The following FAM171A1 variants were observed in gnomAD, a reference collection of about 807,000 sequenced individuals.
The protein encoded by FAM171A1 is protein FAM171A1.
In FAM171A1, 23 loss-of-function variants were observed where a neutral mutation model predicts 74.9. The ratio of observed to expected loss-of-function variants is 0.31; its 90% CI spans 0.22 to 0.44. FAM171A1 has a LOEUF of 0.44. FAM171A1 is among the 20% of genes least tolerant of loss of function. The pLI is 1.00. For synonymous variants in FAM171A1, 527 were observed against 505.7 expected (o/e 1.04, Z -0.57); for missense variants, 1,162 against 1,159.2 (o/e 1.00, Z -0.03).
intron 5 of FAM171A1, among the ~76,000 whole-genome samples, chr10:15,244,852 A>C (rs187535371): frequency 2.0e-5 from 3 of 152,288 alleles, no homozygotes; most frequent in African/African-American, 7.2e-5. Flanking sequence ...CAATGTGCTC[A>C]GGATGAGGCC....
chr10:15,342,258 G>C (rs952879062), intron 1 of FAM171A1, among the ~76,000 whole-genome samples: 8 of 152,186 alleles, frequency 5.3e-5, no homozygotes, highest in Non-Finnish European at 7.3e-5. Context: ...AGTGCTACCA[G>C]TTGTTGTGTA....
intron 1 of FAM171A1, among the ~76,000 whole-genome samples, chr10:15,342,576 G>A (rs1044214079): frequency 6.6e-6 from 1 of 152,050 alleles, no homozygotes; most frequent in African/African-American, 2.4e-5. Context: ...TCAAACAGAG[G>A]CTCTGTCTCA....
At chr10:15,362,385 C>T (rs188757647) in intron 1 of FAM171A1, among the ~76,000 whole-genome samples, 53 of 152,328 alleles carry the variant, frequency 3.5e-4, no homozygotes, top group African/African-American at 1.2e-3. Context: ...TGTGTCCCAC[C>T]GTGCATAACT....
chr10:15,233,325 A>AT (rs1180160492), intron 5 of FAM171A1, among the ~76,000 whole-genome samples: 3 of 151,438 alleles, frequency 2.0e-5, no homozygotes, highest in East Asian at 2.0e-4. Flanking sequence ...ACAAAAAAAC[A>AT]TTTTTTTTCC....
chr10:15,245,459 C>T (rs1284867874), intron 5 of FAM171A1, among the ~76,000 whole-genome samples: 1 of 152,248 alleles, frequency 6.6e-6, no homozygotes, highest in African/African-American at 2.4e-5. Flanking sequence ...ACTTGCCAGC[C>T]TTCCCAATTG....
At chr10:15,367,416 T>C (rs1836078787) in intron 1 of FAM171A1, among the ~76,000 whole-genome samples, 1 of 152,234 alleles carries the variant, frequency 6.6e-6, no homozygotes, top group Non-Finnish European at 1.5e-5. Flanking sequence ...ATTCCCTAGA[T>C]GTTACTGTTG....
chr10:15,222,511 A>G (rs1395126343), intron 5 of FAM171A1, among the ~76,000 whole-genome samples: 4 of 152,206 alleles, frequency 2.6e-5, no homozygotes, highest in African/African-American at 9.6e-5. Context: ...ATACAGAATT[A>G]TAGTCTTATG....
intron 3 of FAM171A1, among the ~76,000 whole-genome samples, chr10:15,263,364 C>A (rs1299191645): frequency 6.6e-6 from 1 of 152,156 alleles, no homozygotes; most frequent in Non-Finnish European, 1.5e-5. Flanking sequence ...ACTACCAAAC[C>A]CCTCCCCACA....
chr10:15,312,847 C>G (rs1485027963), intron 1 of FAM171A1, among the ~76,000 whole-genome samples: 1 of 151,358 alleles, frequency 6.6e-6, no homozygotes, highest in East Asian at 1.9e-4. Context: ...ACAGGCCCAC[C>G]ACCACGCCCG....
At chr10:15,294,518 C>G (rs193173189) in intron 1 of FAM171A1, among the ~76,000 whole-genome samples, 1 of 152,278 alleles carries the variant, frequency 6.6e-6, no homozygotes, top group Non-Finnish European at 1.5e-5. Flanking sequence ...GAGGAAGAAA[C>G]GAGCGCTCAG....
Position 15,283,996 on chromosome 10 carries a change from C to A in FAM171A1, c.207G>T (p.Gly69=), listed in dbSNP as rs1213954354. The A allele has an allele frequency of 2.5e-6, 4 of 1,614,166 alleles. No individual in the cohort carries two copies. The highest frequency in any genetic ancestry group is 8.5e-7 in the Non-Finnish European group (1 of 1,180,016). ...ACTTGATAAAGGCGACGCCATCAGT[C>A]CCCGAGGTGCCAGAGGCTATGGAGG... ...NQASIASGTS[G]TDGVAFIKFQ... is the part of the protein sequence containing the mutation. The change falls in exon 2 of 8, where the codon GGG becomes GGT. Residue 69 remains glycine (G), a synonymous_variant. Transcript: ENST00000378116.
intron 1 of FAM171A1, among the ~76,000 whole-genome samples, chr10:15,310,263 G>T (rs1835344886): frequency 6.6e-6 from 1 of 152,160 alleles, no homozygotes; most frequent in Admixed American, 6.5e-5. Context: ...TTATGTATGG[G>T]ATAATCTAGT....
At chr10:15,278,728 A>G (rs1185487611) in intron 2 of FAM171A1, among the ~76,000 whole-genome samples, 1 of 152,126 alleles carries the variant, frequency 6.6e-6, no homozygotes, top group East Asian at 1.9e-4. Flanking sequence ...AGGGTAGATT[A>G]GTGGTTGCCA....
At chr10:15,303,197 A>C (rs1029832254) in intron 1 of FAM171A1, among the ~76,000 whole-genome samples, 6 of 152,170 alleles carry the variant, frequency 3.9e-5, no homozygotes, top group Non-Finnish European at 8.8e-5. Flanking sequence ...CTCAAAAAAA[A>C]AGTCCTGATT....
intron 1 of FAM171A1, among the ~76,000 whole-genome samples, chr10:15,345,038 C>T (rs1314260203): frequency 6.6e-6 from 1 of 152,222 alleles, no homozygotes; most frequent in African/African-American, 2.4e-5. Context: ...CACAAAACTT[C>T]AGCTATCTGT....
chr10:15,331,799 A>G (rs1455034253), intron 1 of FAM171A1, among the ~76,000 whole-genome samples: 1 of 145,726 alleles, frequency 6.9e-6, no homozygotes, highest in East Asian at 2.0e-4. Flanking sequence ...GTGTGTGTGT[A>G]TATATGTATA....
chr10:15,337,050 T>A (rs531167710), intron 1 of FAM171A1, among the ~76,000 whole-genome samples: 15 of 151,982 alleles, frequency 9.9e-5, no homozygotes, highest in Admixed American at 3.3e-4. Context: ...GGCTATTTTT[T>A]TTTTTTTTTT....
chr10:15,258,082 A>G (rs1300511489), intron 3 of FAM171A1, among the ~76,000 whole-genome samples: 1 of 151,822 alleles, frequency 6.6e-6, no homozygotes, highest in East Asian at 1.9e-4. Flanking sequence ...TTTTTCTCAG[A>G]GAGAGTCTTG....
intron 5 of FAM171A1, among the ~76,000 whole-genome samples, chr10:15,234,885 A>G (rs1417208436): frequency 6.6e-6 from 1 of 151,856 alleles, no homozygotes; most frequent in Admixed American, 6.6e-5. Flanking sequence ...GATGGTCTCG[A>G]TCTCCTGACC....
Sources: allele counts gnomAD v4.1 joint callset (sites outside exome capture counted in the v4.1 genomes callset), GRCh38; gene constraint gnomAD v4.1.1; transcripts MANE v1.5; gene names NCBI Gene and HGNC (gene_info 2026-07-23, HGNC 2026-07-21).